The following NFIL3 variants were observed in gnomAD, a reference collection of about 807,000 sequenced individuals.
NFIL3 encodes the protein nuclear factor, interleukin 3 regulated.
A neutral mutation model predicts 10.0 loss-of-function variants in NFIL3; 5 were observed. The observed-to-expected ratio is 0.50, with a 90% confidence interval of 0.26 to 1.06. The LOEUF (loss-of-function observed/expected upper bound fraction) is 1.06. NFIL3 is among the 50% of genes least tolerant of loss of function. NFIL3 has a pLI of 0.13. For synonymous variants in NFIL3, 202 were observed against 206.5 expected (o/e 0.98, Z 0.19); for missense variants, 436 against 547.6 (o/e 0.80, Z 2.03).
the NFIL3 span, among the ~76,000 whole-genome samples, chr9:91,479,976 G>A: frequency 6.6e-5 from 10 of 152,114 alleles, no homozygotes; most frequent in Non-Finnish European, 1.2e-4. Context: ...CCCTCTGTGA[G>A]CTGCACCCAC....
At chr9:91,438,861 G>A in the NFIL3 span, among the ~76,000 whole-genome samples, 17 of 152,230 alleles carry the variant, frequency 1.1e-4, no homozygotes, top group South Asian at 3.3e-3. Flanking sequence ...CTGTTTCACT[G>A]GTCTATGGCC....
intron 1 of NFIL3, 111 bp from the exon 2 acceptor site, chr9:91,411,017 C>T: frequency 2.3e-6 from 1 of 432,052 alleles, no homozygotes; most frequent in Non-Finnish European, 4.2e-6. Flanking sequence ...ACAGATGAGG[C>T]ATGGCCACAG....
At chr9:91,425,126 C>G (rs575191787), upstream of NFIL3, among the ~76,000 whole-genome samples, 1 of 152,306 alleles carries the variant, frequency 6.6e-6, no homozygotes, top group East Asian at 1.9e-4. Context: ...CAGCCAGCTC[C>G]CTCCTGGTCT....
At chr9:91,451,616 A>G in the NFIL3 span, among the ~76,000 whole-genome samples, 1 of 152,206 alleles carries the variant, frequency 6.6e-6, no homozygotes, top group Admixed American at 6.5e-5. Context: ...ATTTGCAGAG[A>G]GCACACCTGA....
At chr9:91,443,296 C>T in the NFIL3 span, among the ~76,000 whole-genome samples, 10 of 152,352 alleles carry the variant, frequency 6.6e-5, no homozygotes, top group South Asian at 2.1e-4. Flanking sequence ...ACAGACTCTA[C>T]CTGGAACTGA....
At chr9:91,439,774 T>G in the NFIL3 span, among the ~76,000 whole-genome samples, 1 of 152,166 alleles carries the variant, frequency 6.6e-6, no homozygotes, top group Non-Finnish European at 1.5e-5. Flanking sequence ...GAGGATCAGA[T>G]GGTTTTTACT....
At chr9:91,421,242 GTCCCTGGCTCCCTGGC>G (rs201092809) in intron 1 of NFIL3, among the ~76,000 whole-genome samples, 2 of 150,860 alleles carry the variant, frequency 1.3e-5, no homozygotes, top group African/African-American at 4.8e-5. Flanking sequence ...GGGAGCCGGG[GTCCCTGGCTCCCTGGC>G]TCCCTGGCTC....
chr9:91,462,857 A>G, the NFIL3 span, among the ~76,000 whole-genome samples: 20 of 150,984 alleles, frequency 1.3e-4, no homozygotes, highest in East Asian at 2.7e-3. Context: ...AATAGTTATT[A>G]TTATTCAATT....
At chr9:91,457,631 T>C in the NFIL3 span, among the ~76,000 whole-genome samples, 4 of 152,050 alleles carry the variant, frequency 2.6e-5, no homozygotes, top group African/African-American at 9.6e-5. Context: ...TGTTTGCAAA[T>C]AGAGACAGTT....
At chr9:91,472,294 A>G in the NFIL3 span, among the ~76,000 whole-genome samples, 1 of 152,158 alleles carries the variant, frequency 6.6e-6, no homozygotes, top group South Asian at 2.1e-4. Context: ...TATCCTGCAG[A>G]GTGTTTTCCA....
the NFIL3 span, among the ~76,000 whole-genome samples, chr9:91,435,681 T>C: frequency 6.6e-6 from 1 of 152,182 alleles, no homozygotes; most frequent in African/African-American, 2.4e-5. Context: ...TGCCACATGG[T>C]CTTCATGACT....
the NFIL3 span, among the ~76,000 whole-genome samples, chr9:91,470,152 T>G: frequency 0.45 from 68,260 of 151,686 alleles, 19,201 homozygotes; most frequent in African/African-American, 0.79. Flanking sequence ...CTGTGAATCC[T>G]TCTGGTCCTG....
chr9:91,417,696 G>A (rs2482357), intron 1 of NFIL3, among the ~76,000 whole-genome samples: 82,775 of 151,946 alleles, frequency 0.54, 24,613 homozygotes, highest in African/African-American at 0.8. Flanking sequence ...GGATTTTTAA[G>A]CTGAGAAAAC....
the NFIL3 span, among the ~76,000 whole-genome samples, chr9:91,473,560 G>A: frequency 6.6e-6 from 1 of 152,220 alleles, no homozygotes; most frequent in East Asian, 1.9e-4. Flanking sequence ...TAAGACAGTT[G>A]GAAAAGCACA....
the NFIL3 span, among the ~76,000 whole-genome samples, chr9:91,446,666 A>G: frequency 2.0e-5 from 3 of 151,998 alleles, no homozygotes; most frequent in East Asian, 5.8e-4. Context: ...CTGTCTCCAT[A>G]CATTTGACCA....
At chr9:91,476,548 G>A in the NFIL3 span, among the ~76,000 whole-genome samples, 1 of 151,908 alleles carries the variant, frequency 6.6e-6, no homozygotes, top group Non-Finnish European at 1.5e-5. Context: ...ACTCCAGCCT[G>A]GGTGACAGAG....
the NFIL3 span, among the ~76,000 whole-genome samples, chr9:91,450,239 C>T: frequency 6.6e-6 from 1 of 151,856 alleles, no homozygotes; most frequent in Non-Finnish European, 1.5e-5. Context: ...TCTTCCTTAT[C>T]TTACCTTTGA....
At chr9:91,474,980 C>A in the NFIL3 span, among the ~76,000 whole-genome samples, 1 of 152,202 alleles carries the variant, frequency 6.6e-6, no homozygotes, top group South Asian at 2.1e-4. Context: ...AGCCACTGTA[C>A]CATCCCTGCA....
chr9:91,465,817 G>C, the NFIL3 span, among the ~76,000 whole-genome samples: 2 of 152,074 alleles, frequency 1.3e-5, no homozygotes, highest in Non-Finnish European at 2.9e-5. Flanking sequence ...GGTGCCAGAG[G>C]ATTAAAATTC....
Sources: allele counts gnomAD v4.1 joint callset (sites outside exome capture counted in the v4.1 genomes callset), GRCh38; gene constraint gnomAD v4.1.1; transcripts MANE v1.5; gene names NCBI Gene and HGNC (gene_info 2026-07-23, HGNC 2026-07-21).